Variants in NELL1 observed in about 807,000 individuals in gnomAD.
NELL1 encodes neural EGFL like 1, also known as protein kinase C-binding protein NELL1.
NELL1 carries 76 observed loss-of-function variants against 107.4 expected under a neutral mutation model. The observed-to-expected ratio is 0.71, with a 90% CI of 0.59 to 0.86. The LOEUF is 0.86. Among genes scored for constraint, NELL1 ranks in the 40% least tolerant of loss-of-function variants. The probability of loss-of-function intolerance (pLI) is 0.00; values close to 1 mark genes in which losing one functional copy is unlikely to be tolerated. For synonymous variants in NELL1, 353 were observed against 341.2 expected, an observed-to-expected ratio of 1.03 and a Z score of -0.38; for missense variants, 1,024 against 1,005.5, an observed-to-expected ratio of 1.02 and a Z score of -0.25.
intron 3 of NELL1, among the ~76,000 whole-genome samples, chr11:20,798,041 A>G (rs1177319474): frequency 6.6e-6 from 1 of 152,220 alleles, no homozygotes; most frequent in African/African-American, 2.4e-5. Context: ...CTGAGATTCC[A>G]TCATTTTTAT....
At chr11:21,061,345 G>T (rs535992453) in intron 12 of NELL1, among the ~76,000 whole-genome samples, 1 of 152,292 alleles carries the variant, frequency 6.6e-6, no homozygotes, top group East Asian at 1.9e-4. Context: ...GTGACAGTAG[G>T]ATTGGCTTTA....
At chr11:21,544,858 A>G (rs1036807101) in intron 16 of NELL1, among the ~76,000 whole-genome samples, 19 of 151,988 alleles carry the variant, frequency 1.3e-4, no homozygotes, top group African/African-American at 4.3e-4. Flanking sequence ...GCTCAGTATC[A>G]TTGAATAATG....
At chr11:20,927,134 C>A in intron 7 of NELL1, 174 bp from the exon 8 acceptor site, 2 of 571,970 alleles carry the variant, frequency 3.5e-6, no homozygotes, top group Non-Finnish European at 6.0e-6. Flanking sequence ...TAGAGTGATT[C>A]CACCTTGTGT....
At chr11:21,181,234 A>G (rs1856820222) in intron 13 of NELL1, among the ~76,000 whole-genome samples, 1 of 151,892 alleles carries the variant, frequency 6.6e-6, no homozygotes. Flanking sequence ...AAAGCAGATG[A>G]AATATTCAGG....
intron 14 of NELL1, among the ~76,000 whole-genome samples, chr11:21,233,570 T>A (rs922173700): frequency 2.0e-5 from 3 of 152,200 alleles, no homozygotes; most frequent in Non-Finnish European, 4.4e-5. Flanking sequence ...TGCTCACATA[T>A]TTAATAAATA....
At chr11:21,313,230 T>C (rs1350258660) in intron 14 of NELL1, among the ~76,000 whole-genome samples, 2 of 152,154 alleles carry the variant, frequency 1.3e-5, no homozygotes, top group African/African-American at 4.8e-5. Context: ...ATCTGTTGAA[T>C]CTATCAGCAA....
chr11:21,556,556 T>C (rs1013108777), intron 16 of NELL1, among the ~76,000 whole-genome samples: 3 of 151,964 alleles, frequency 2.0e-5, no homozygotes, highest in African/African-American at 7.2e-5. Flanking sequence ...GCTGCTGTTA[T>C]AAACATCTCT....
intron 13 of NELL1, among the ~76,000 whole-genome samples, chr11:21,148,523 G>C (rs182538959): frequency 6.6e-6 from 1 of 152,166 alleles, no homozygotes; most frequent in Non-Finnish European, 1.5e-5. Context: ...GCTTTTGGTG[G>C]ATATCACTTA....
At chr11:21,123,090 C>T (rs947699386) in intron 13 of NELL1, among the ~76,000 whole-genome samples, 12 of 152,104 alleles carry the variant, frequency 7.9e-5, no homozygotes, top group Admixed American at 6.6e-4. Flanking sequence ...AAGAGATTTC[C>T]CTTTTCACAG....
At chr11:20,817,792 T>G (rs1283468493) in intron 3 of NELL1, among the ~76,000 whole-genome samples, 1 of 151,610 alleles carries the variant, frequency 6.6e-6, no homozygotes, top group Non-Finnish European at 1.5e-5. Flanking sequence ...CTGCTTTTGC[T>G]TCCTCCCAGA....
intron 15 of NELL1, among the ~76,000 whole-genome samples, chr11:21,451,449 T>C: frequency 6.6e-6 from 1 of 152,112 alleles, no homozygotes; most frequent in East Asian, 1.9e-4. Flanking sequence ...CCTGGGTTTT[T>C]TCCTGGAGAC....
Position 21,230,961 on chromosome 11 carries a change from C to T in NELL1, c.1549+1507C>T, listed in dbSNP as rs553875027. ...TGTGCATAGAATTTTTTTTGCAGCACTGTTTATATTCACTGAAAACTGGAA... is the reference window on the plus strand; with the variant it reads ...TGTGCATAGAATTTTTTTTGCAGCATTGTTTATATTCACTGAAAACTGGAA... On this transcript the variant is annotated intron_variant, in intron 14 of 19. Transcript: ENST00000357134. Among the ~76,000 whole-genome samples, 9 of 152,172 alleles carry T rather than the reference C, an allele frequency of 5.9e-5. No homozygotes were observed. The South Asian group carries it at 1.0e-3, about 18-fold the overall frequency.
At chr11:21,569,820 T>G (rs1490574779) in intron 17 of NELL1, among the ~76,000 whole-genome samples, 3 of 151,796 alleles carry the variant, frequency 2.0e-5, no homozygotes, top group Non-Finnish European at 4.4e-5. Context: ...CAGTTGAATA[T>G]GACCTCAACT....
At chr11:21,365,878 A>G (rs1342467570) in intron 14 of NELL1, among the ~76,000 whole-genome samples, 2 of 152,150 alleles carry the variant, frequency 1.3e-5, no homozygotes, top group Non-Finnish European at 2.9e-5. Flanking sequence ...AAGACACTTC[A>G]TCAACTTAAT....
rs548390304 is a variant in NELL1, at chr11:20,896,606, C to T, written c.603+11066C>T. Among the ~76,000 whole-genome samples, 4 of 152,112 alleles carry T rather than the reference C, an allele frequency of 2.6e-5. No individual in the cohort carries two copies. In the East Asian group the frequency reaches 7.7e-4, roughly 29 times the overall value. ...TCACACCAGCAGTGTAAAAGTGTTCCCTTTTTAGTCAAATTGTCCCTGTTT... is the reference window on the plus strand; with the variant it reads ...TCACACCAGCAGTGTAAAAGTGTTCTCTTTTTAGTCAAATTGTCCCTGTTT... On this transcript the variant is annotated intron_variant, in intron 5 of 19. Transcript: ENST00000357134.
intron 3 of NELL1, among the ~76,000 whole-genome samples, chr11:20,795,863 T>G (rs898128022): frequency 6.6e-6 from 1 of 152,200 alleles, no homozygotes; most frequent in African/African-American, 2.4e-5. Context: ...AACTTTCTAC[T>G]GTGATGCCAA....
chr11:21,400,021 T>C (rs1452266844), intron 15 of NELL1, among the ~76,000 whole-genome samples: 2 of 151,840 alleles, frequency 1.3e-5, no homozygotes, highest in Admixed American at 1.3e-4. Flanking sequence ...AAAGATTATT[T>C]CTGTATACTA....
At chr11:20,839,164 C>T (rs1848581045) in intron 3 of NELL1, among the ~76,000 whole-genome samples, 1 of 152,074 alleles carries the variant, frequency 6.6e-6, no homozygotes, top group Non-Finnish European at 1.5e-5. Flanking sequence ...AGAAGCCAGC[C>T]TTTACTTTGT....
intron 15 of NELL1, among the ~76,000 whole-genome samples, chr11:21,513,871 T>G (rs764484206): frequency 3.9e-5 from 6 of 152,172 alleles, no homozygotes; most frequent in Non-Finnish European, 5.9e-5. Context: ...TCAAAATACG[T>G]GTCTTAGAGC....
Sources: gnomAD v4.1 joint callset for allele counts (sites outside exome capture counted in the v4.1 genomes callset) on GRCh38, gnomAD v4.1.1 for gene constraint, MANE v1.5 for transcripts, NCBI Gene and HGNC (gene_info 2026-07-23, HGNC 2026-07-21) for gene names.